The following STK24 variants were observed in gnomAD, a reference collection of about 807,000 sequenced individuals.
STK24 encodes serine/threonine-protein kinase 24.
Under a neutral mutation model 55.6 loss-of-function variants are expected in STK24, and 21 were observed. That is an observed-to-expected ratio of 0.38 (90% CI 0.27 to 0.54). The LOEUF is 0.54. STK24 is among the 20% of genes least tolerant of loss of function. STK24 has a pLI of 0.79. For synonymous variants in STK24, 200 were observed against 215.2 expected, an observed-to-expected ratio of 0.93 and a Z score of 0.62; for missense variants, 383 against 538.4, an observed-to-expected ratio of 0.71 and a Z score of 2.86.
At chr13:98,543,799 T>C (rs1329164930) in intron 1 of STK24, among the ~76,000 whole-genome samples, 1 of 152,204 alleles carries the variant, frequency 6.6e-6, no homozygotes, top group Non-Finnish European at 1.5e-5. Context: ...ATGGCTTCTA[T>C]TGAACGGATC....
At chr13:98,540,309 A>C (rs911336697) in intron 1 of STK24, among the ~76,000 whole-genome samples, 2 of 152,216 alleles carry the variant, frequency 1.3e-5, no homozygotes, top group African/African-American at 2.4e-5. Flanking sequence ...AAAATTACTA[A>C]AACTCACTGC....
intron 2 of STK24, among the ~76,000 whole-genome samples, chr13:98,514,349 C>T (rs1895984813): frequency 6.6e-6 from 1 of 152,192 alleles, no homozygotes; most frequent in African/African-American, 2.4e-5. Context: ...ACTATTTCCC[C>T]TTTGGGGACC....
intron 1 of STK24, among the ~76,000 whole-genome samples, chr13:98,544,019 A>G (rs1167406837): frequency 6.6e-6 from 1 of 152,232 alleles, no homozygotes; most frequent in Non-Finnish European, 1.5e-5. Flanking sequence ...GTTTAAAAAT[A>G]GCTATGAAGA....
At chr13:98,545,081 C>G (rs959359244) in intron 1 of STK24, among the ~76,000 whole-genome samples, 1 of 152,064 alleles carries the variant, frequency 6.6e-6, no homozygotes, top group African/African-American at 2.4e-5. Context: ...CAAAGTTTTC[C>G]AAAAATGTTT....
Position 98,446,701 on chromosome 13 carries a change from C to T in STK24, c.*6472G>A, listed in dbSNP as rs1892861151. The stretch of plus-strand genomic sequence containing the variant: ...CCCTTGCCAGCCTGCCTCTGCTCGG[C>T]TACTCGCTCACCATCCCCTCTGAGT... On this transcript the variant is annotated 3_prime_UTR_variant, in exon 11 of 11. Transcript: ENST00000539966. 6.2e-7 allele frequency: 1 copy of T among 1,614,078 alleles called. No individual in the cohort carries two copies. The highest frequency in any genetic ancestry group is 8.5e-7 in the Non-Finnish European group (1 of 1,180,042).
intron 2 of STK24, among the ~76,000 whole-genome samples, chr13:98,492,371 G>C (rs1895075649): frequency 6.6e-6 from 1 of 152,224 alleles, no homozygotes; most frequent in Non-Finnish European, 1.5e-5. Flanking sequence ...GTAGTCTAGT[G>C]AGAGGGGCTG....
intron 10 of STK24, chr13:98,456,332 C>G (rs1242619094): frequency 2.7e-6 from 1 of 366,822 alleles, no homozygotes; most frequent in Non-Finnish European, 5.5e-6. Flanking sequence ...AGAAATCCCC[C>G]TCATGATCAC....
chr13:98,535,398 T>TAC (rs56768700), intron 1 of STK24, among the ~76,000 whole-genome samples: 3,205 of 142,690 alleles, frequency 0.022, 61 homozygotes, highest in Middle Eastern at 0.077. Context: ...TATGTGTGTA[T>TAC]ACACACACAC....
rs1896177558 is a variant in STK24, at chr13:98,519,272, C to T, written c.244G>A (p.Val82Ile). Residue 82 changes from valine to isoleucine, a missense_variant, in exon 2 of 11, where the codon GTA (valine) becomes ATA (isoleucine). Transcript: ENST00000539966. ...AGATAGGATCCATAATATTTGGTTA[C>T]ATATGGACTGTCACACTGACTCAGC... is the stretch of plus-strand genomic sequence containing the variant. The part of the protein sequence containing the change: ...TVLSQCDSPY[V>I]TKYYGSYLKD... 1.2e-5 allele frequency: 20 copies of T among 1,613,922 alleles called. No homozygotes were observed. The highest frequency in any genetic ancestry group is 1.7e-5 in the Non-Finnish European group (20 of 1,179,868).
intron 1 of STK24, among the ~76,000 whole-genome samples, chr13:98,536,975 C>G (rs954923336): frequency 6.6e-6 from 1 of 152,154 alleles, no homozygotes; most frequent in Non-Finnish European, 1.5e-5. Flanking sequence ...GGCCGGAGCC[C>G]GCCCCTCCCG....
intron 1 of STK24, chr13:98,522,122 G>A: frequency 8.0e-7 from 1 of 1,256,256 alleles, no homozygotes; most frequent in South Asian, 2.1e-5. Context: ...GCAATGTCGT[G>A]TCTGAGCCTT....
intron 1 of STK24, among the ~76,000 whole-genome samples, chr13:98,527,565 C>G (rs946624545): frequency 6.6e-6 from 1 of 152,220 alleles, no homozygotes; most frequent in African/African-American, 2.4e-5. Flanking sequence ...GCAACTCTCC[C>G]ACGGGCCACC....
At position 98,562,575 on chromosome 13, in the gene STK24, A is replaced by G. The variant is rs775364987; in HGVS notation, c.42+14170T>C. 4.6e-5 allele frequency among the ~76,000 whole-genome samples: 7 copies of G among 152,246 alleles called. 1 individual carries two copies. The highest frequency in any genetic ancestry group is 2.1e-4 in the South Asian group (1 of 4,834). ...TTGCTATAGCTAATATTAAGAAATC[A>G]TCTATGCAACAGGCCATGTAAAAAG... is the stretch of plus-strand genomic sequence containing the variant. On this transcript the variant is annotated intron_variant, in intron 1 of 10. Transcript: ENST00000539966.
At chr13:98,516,247 T>C (rs1370477502) in intron 2 of STK24, among the ~76,000 whole-genome samples, 11 of 152,226 alleles carry the variant, frequency 7.2e-5, no homozygotes, top group Non-Finnish European at 1.2e-4. Context: ...GTCCTTCACA[T>C]GGCTTTAAAA....
intron 10 of STK24, chr13:98,455,408 AT>A (rs11322553): frequency 0.8 from 120,157 of 149,620 alleles, 48,614 homozygotes; most frequent in Non-Finnish European, 0.88. Flanking sequence ...GCCTAGCTAA[AT>A]TTTTTTTTTT....
At chr13:98,549,569 G>A in intron 1 of STK24, among the ~76,000 whole-genome samples, 1 of 152,100 alleles carries the variant, frequency 6.6e-6, no homozygotes, top group East Asian at 1.9e-4. Context: ...TTAAAAGTGT[G>A]TGGCACCTTC....
At chr13:98,466,698 T>TA in intron 5 of STK24, 137 bp from the exon 6 acceptor site, 1 of 967,812 alleles carries the variant, frequency 1.0e-6, no homozygotes. Flanking sequence ...TTTAAAAACA[T>TA]AAGCCCTCGC....
chr13:98,519,137 T>C (rs1896171916), intron 2 of STK24, 106 bp downstream of exon 2: 9 of 870,296 alleles, frequency 1.0e-5, no homozygotes, highest in Non-Finnish European at 1.7e-5. Flanking sequence ...CATCTCTCCT[T>C]GCTCTGAAAC....
At chr13:98,494,428 A>AAAAAAG (rs58955737) in intron 2 of STK24, among the ~76,000 whole-genome samples, 1 of 148,884 alleles carries the variant, frequency 6.7e-6, no homozygotes. Flanking sequence ...AAAAAAAAAA[A>AAAAAAG]GTGCCTCTAA....
Sources: allele counts gnomAD v4.1 joint callset (sites outside exome capture counted in the v4.1 genomes callset), GRCh38; gene constraint gnomAD v4.1.1; transcripts MANE v1.5; gene names NCBI Gene and HGNC (gene_info 2026-07-23, HGNC 2026-07-21).